FGF10: variants seen among roughly 807,000 people sequenced by gnomAD.
FGF10 encodes fibroblast growth factor 10, also known as FGF-10.
A neutral mutation model predicts 19.8 loss-of-function variants in FGF10; 2 were observed. The ratio of observed to expected loss-of-function variants is 0.10; its 90% confidence interval spans 0.04 to 0.32. The LOEUF (loss-of-function observed/expected upper bound fraction) is 0.32. Among genes scored for constraint, FGF10 ranks in the 10% least tolerant of loss-of-function variants. The pLI is 1.00. For synonymous variants in FGF10, 112 were observed against 94.0 expected (o/e 1.19, Z -1.10); for missense variants, 191 against 246.3 (o/e 0.78, Z 1.50).
intron 1 of FGF10, among the ~76,000 whole-genome samples, chr5:44,373,160 A>C (rs1183866160): frequency 6.6e-6 from 1 of 152,138 alleles, no homozygotes; most frequent in African/African-American, 2.4e-5. Context: ...ACAGGGATTC[A>C]TGCCATGAGA....
At chr5:44,324,579 A>C (rs111793874) in intron 1 of FGF10, among the ~76,000 whole-genome samples, 174 of 152,302 alleles carry the variant, frequency 1.1e-3, no homozygotes, top group African/African-American at 4.0e-3. Context: ...AATTGTAAGA[A>C]GGACTTTAAA....
At chr5:44,340,491 A>T (rs940392295) in intron 1 of FGF10, among the ~76,000 whole-genome samples, 2 of 152,146 alleles carry the variant, frequency 1.3e-5, no homozygotes, top group South Asian at 4.1e-4. Flanking sequence ...TATATGCAGC[A>T]TGAAAAGAAG....
intron 1 of FGF10, among the ~76,000 whole-genome samples, chr5:44,343,437 C>T (rs559759404): frequency 1.3e-5 from 2 of 152,078 alleles, no homozygotes; most frequent in East Asian, 3.9e-4. Context: ...GCTAATTTTA[C>T]ATTAAAATTC....
chr5:44,344,413 A>G (rs772801415), intron 1 of FGF10, among the ~76,000 whole-genome samples: 1 of 151,962 alleles, frequency 6.6e-6, no homozygotes, highest in Non-Finnish European at 1.5e-5. Flanking sequence ...AAGATGTGTC[A>G]TTTGAAAGTT....
At chr5:44,386,358 G>T (rs567024326) in intron 1 of FGF10, among the ~76,000 whole-genome samples, 2 of 152,184 alleles carry the variant, frequency 1.3e-5, no homozygotes, top group African/African-American at 4.8e-5. Flanking sequence ...GTTTGCTCAA[G>T]GATAACACTC....
At chr5:44,346,498 A>C (rs182666931) in intron 1 of FGF10, among the ~76,000 whole-genome samples, 73 of 151,966 alleles carry the variant, frequency 4.8e-4, no homozygotes, top group South Asian at 1.2e-3. Context: ...ACCAGGATCT[A>C]CTTTCCAAAC....
intron 1 of FGF10, among the ~76,000 whole-genome samples, chr5:44,330,562 A>G (rs1222000350): frequency 6.6e-6 from 1 of 152,238 alleles, no homozygotes; most frequent in African/African-American, 2.4e-5. Flanking sequence ...ATTACTGGCA[A>G]TAATTGAGAG....
chr5:44,327,988 G>C (rs534775624), intron 1 of FGF10, among the ~76,000 whole-genome samples: 1 of 152,316 alleles, frequency 6.6e-6, no homozygotes, highest in Non-Finnish European at 1.5e-5. Context: ...GAGCTACAGA[G>C]ACATTTCCTT....
rs368447487 is a variant in FGF10 at position 44,322,886 on chromosome 5, C to T, written c.326-12356G>A. Among the ~76,000 whole-genome samples the T allele has an allele frequency of 3.0e-4, 46 of 151,936 alleles. 1 individual carries two copies. The South Asian group carries it at 5.8e-3, about 19-fold the overall frequency. Reference sequence around the variant, plus strand: ...TAATAATAATAATAGAAATAAAGTACGCAATAAAAGTAATGTGACTGAATC... The same window carrying T: ...TAATAATAATAATAGAAATAAAGTATGCAATAAAAGTAATGTGACTGAATC... On this transcript the variant is annotated intron_variant, in intron 1 of 2. Coordinates refer to ENST00000264664, the MANE Select transcript of FGF10 (RefSeq NM_004465.2).
At chr5:44,350,333 C>T (rs912551590) in intron 1 of FGF10, among the ~76,000 whole-genome samples, 1 of 150,690 alleles carries the variant, frequency 6.6e-6, no homozygotes. Context: ...ATAAAATGTA[C>T]TGTATACAGT....
intron 1 of FGF10, among the ~76,000 whole-genome samples, chr5:44,375,160 A>C (rs1406028699): frequency 6.6e-6 from 1 of 152,194 alleles, no homozygotes; most frequent in Non-Finnish European, 1.5e-5. Flanking sequence ...AAGAGGACTT[A>C]TTATATGCCA....
rs139766772 is a variant in FGF10, at chr5:44,383,963, C to G, written c.325+4395G>C. On this transcript the variant is annotated intron_variant, in intron 1 of 2. Coordinates refer to ENST00000264664, the MANE Select transcript of FGF10 (RefSeq NM_004465.2). ...TTAGCTTCCTACAATAAGCTCTAGT[C>G]CTGGTTAAAAAGTAATAATCCCAGA... Among the ~76,000 whole-genome samples, 307 of 152,096 alleles carry G rather than the reference C, an allele frequency of 2.0e-3. 3 individuals carry two copies. The highest frequency in any genetic ancestry group is 7.1e-3 in the African/African-American group (296 of 41,526).
chr5:44,377,471 G>A (rs1741891626), intron 1 of FGF10, among the ~76,000 whole-genome samples: 1 of 152,166 alleles, frequency 6.6e-6, no homozygotes, highest in Non-Finnish European at 1.5e-5. Flanking sequence ...GACTTATTCT[G>A]AAATATTTAA....
At chr5:44,318,803 T>C (rs1194339322) in intron 1 of FGF10, among the ~76,000 whole-genome samples, 1 of 152,190 alleles carries the variant, frequency 6.6e-6, no homozygotes, top group Non-Finnish European at 1.5e-5. Flanking sequence ...TAAGTTATTT[T>C]ACATTATTTT....
In FGF10 at chr5:44,304,491, C is replaced by T. The variant is rs1740028090; in HGVS notation, c.*504G>A. 6.2e-6 allele frequency: 1 copy of T among 160,382 alleles called. No individual in the cohort carries two copies. The highest frequency in any genetic ancestry group is 1.4e-5 in the Non-Finnish European group (1 of 72,606). The allele number at this position is 160,382 out of a possible 1,614,324, so 9.9% of individuals were successfully genotyped here. On this transcript the variant is annotated 3_prime_UTR_variant, in exon 3 of 3. Transcript: ENST00000264664. The stretch of plus-strand genomic sequence containing the variant: ...AATTCTATTCAATTATTCCATGAGA[C>T]CACATCCAGAACTCCTTTGGTTGTG...
chr5:44,344,349 G>A (rs775783200), intron 1 of FGF10, among the ~76,000 whole-genome samples: 4 of 150,706 alleles, frequency 2.7e-5, no homozygotes, highest in Non-Finnish European at 5.9e-5. Flanking sequence ...CAAACTGTTA[G>A]GAAAATAGCA....
At chr5:44,309,019 G>A (rs1388427146) in intron 2 of FGF10, among the ~76,000 whole-genome samples, 1 of 152,170 alleles carries the variant, frequency 6.6e-6, no homozygotes, top group Non-Finnish European at 1.5e-5. Context: ...GTTCTAAATG[G>A]TTCTCTCAGC....
In FGF10 at chr5:44,302,365, T is replaced by C. The variant is rs1561194011; in HGVS notation, c.*2630A>G. The stretch of plus-strand genomic sequence containing the variant: ...TGTCTTTTCTCTCTTTCTTTTCTCT[T>C]TTCTCTCTTTCCTTTCTTTCTGGCT... On this transcript the variant is annotated 3_prime_UTR_variant, in exon 3 of 3. Transcript: ENST00000264664. Among the ~76,000 whole-genome samples, 1 of 151,038 alleles carries C rather than the reference T, an allele frequency of 6.6e-6. No individual in the cohort carries two copies. Among genetic ancestry groups the C allele is most frequent in the Non-Finnish European group, 1.5e-5 (1 of 67,780 alleles).
chr5:44,331,130 A>C (rs548052769), intron 1 of FGF10, among the ~76,000 whole-genome samples: 1 of 152,266 alleles, frequency 6.6e-6, no homozygotes, highest in South Asian at 2.1e-4. Flanking sequence ...TAGTTCTGAA[A>C]AATTTCTTTG....
Sources: gnomAD v4.1 joint callset for allele counts (sites outside exome capture counted in the v4.1 genomes callset) on GRCh38, gnomAD v4.1.1 for gene constraint, MANE v1.5 for transcripts, NCBI Gene and HGNC (gene_info 2026-07-23, HGNC 2026-07-21) for gene names.